LINGO2: variants seen among roughly 807,000 people sequenced by gnomAD.
LINGO2 encodes leucine rich repeat and Ig domain containing 2, also known as leucine-rich repeat and immunoglobulin-like domain-containing nogo receptor-interacting protein 2.
In LINGO2, 14 loss-of-function variants were observed where a neutral mutation model predicts 30.6. The observed-to-expected ratio is 0.46, with a 90% CI of 0.30 to 0.72. The LOEUF (loss-of-function observed/expected upper bound fraction) is 0.72, where lower values mean the gene tolerates loss of function less well. LINGO2 is among the 30% of genes least tolerant of loss of function. The pLI, the probability that LINGO2 is intolerant of heterozygous loss-of-function variation, is 0.07. For missense variants in LINGO2, 729 were observed against 751.7 expected (o/e 0.97, Z 0.35); for synonymous variants, 317 against 288.5 (o/e 1.10, Z -1.00).
At chr9:28,133,770 TG>T (rs1055342536) in intron 4 of LINGO2, among the ~76,000 whole-genome samples, 4 of 152,206 alleles carry the variant, frequency 2.6e-5, no homozygotes, top group African/African-American at 9.6e-5. Context: ...TTGTAAATGT[TG>T]GTGTCCTTTA....
At chr9:28,025,518 C>T (rs1375429731) in intron 4 of LINGO2, among the ~76,000 whole-genome samples, 1 of 152,162 alleles carries the variant, frequency 6.6e-6, no homozygotes, top group Non-Finnish European at 1.5e-5. Flanking sequence ...TTAATGAATT[C>T]AGCTGAGCAT....
chr9:27,994,124 C>T (rs1821536693), intron 5 of LINGO2, among the ~76,000 whole-genome samples: 1 of 151,844 alleles, frequency 6.6e-6, no homozygotes, highest in Admixed American at 6.6e-5. Flanking sequence ...AAACAACATA[C>T]TAAAACCTAT....
chr9:28,978,269 C>T, the LINGO2 span, among the ~76,000 whole-genome samples: 2 of 151,954 alleles, frequency 1.3e-5, no homozygotes, highest in Admixed American at 1.3e-4. Context: ...TTTTGGCAGC[C>T]CACATTAATT....
chr9:28,328,955 A>G (rs1825325040), intron 3 of LINGO2, among the ~76,000 whole-genome samples: 2 of 152,266 alleles, frequency 1.3e-5, no homozygotes, highest in South Asian at 4.1e-4. Context: ...CAAAAAAATA[A>G]TATCTAAGAA....
chr9:28,199,997 G>GAAAAAAA (rs11325617), intron 4 of LINGO2, among the ~76,000 whole-genome samples: 1 of 123,098 alleles, frequency 8.1e-6, no homozygotes. Context: ...CTTCATTTAG[G>GAAAAAAA]AAAAAAAAAA....
intron 5 of LINGO2, among the ~76,000 whole-genome samples, chr9:27,966,969 T>A (rs1455382291): frequency 6.6e-6 from 1 of 152,122 alleles, no homozygotes; most frequent in Non-Finnish European, 1.5e-5. Flanking sequence ...TTCAATTTTA[T>A]CGATTGTTCC....
At chr9:28,062,925 C>T (rs1046348528) in intron 4 of LINGO2, among the ~76,000 whole-genome samples, 4 of 151,968 alleles carry the variant, frequency 2.6e-5, no homozygotes, top group Non-Finnish European at 5.9e-5. Flanking sequence ...TAGGCAACCA[C>T]GAATTTACTA....
intron 1 of LINGO2, among the ~76,000 whole-genome samples, chr9:28,641,361 C>T (rs973574272): frequency 8.5e-5 from 13 of 152,048 alleles, no homozygotes; most frequent in East Asian, 3.9e-4. Context: ...AAGTATCCTC[C>T]GACAGTTTTT....
intron 3 of LINGO2, among the ~76,000 whole-genome samples, chr9:28,306,240 T>C (rs1292456431): frequency 6.6e-6 from 1 of 151,954 alleles, no homozygotes; most frequent in African/African-American, 2.4e-5. Context: ...GCATATTGCA[T>C]AGAACTTAAA....
intron 4 of LINGO2, among the ~76,000 whole-genome samples, chr9:28,033,482 G>C (rs1291800583): frequency 1.3e-5 from 2 of 152,152 alleles, no homozygotes; most frequent in African/African-American, 4.8e-5. Flanking sequence ...GCTTTAGTTG[G>C]TGGGAAGGGG....
chr9:28,904,260 C>T, the LINGO2 span, among the ~76,000 whole-genome samples: 136,231 of 152,072 alleles, frequency 0.9, 61,307 homozygotes, highest in Non-Finnish European at 0.94. Flanking sequence ...GCTAACATAA[C>T]ACTTAATGTT....
At chr9:28,913,560 A>T in the LINGO2 span, among the ~76,000 whole-genome samples, 2 of 152,158 alleles carry the variant, frequency 1.3e-5, no homozygotes, top group Non-Finnish European at 2.9e-5. Context: ...TCTCCAATGT[A>T]TAGATAGTAT....
chr9:29,009,028 A>G, the LINGO2 span, among the ~76,000 whole-genome samples: 1 of 152,136 alleles, frequency 6.6e-6, no homozygotes, highest in Non-Finnish European at 1.5e-5. Flanking sequence ...TTGATGGGAC[A>G]TATCTCAAAA....
At chr9:28,009,803 G>T (rs750864999) in intron 5 of LINGO2, among the ~76,000 whole-genome samples, 2 of 152,130 alleles carry the variant, frequency 1.3e-5, no homozygotes, top group African/African-American at 2.4e-5. Flanking sequence ...CAACAGTTTG[G>T]CAGTTTCTCA....
At chr9:28,046,994 A>ATGC (rs1283814256) in intron 4 of LINGO2, among the ~76,000 whole-genome samples, 1 of 152,128 alleles carries the variant, frequency 6.6e-6, no homozygotes, top group Non-Finnish European at 1.5e-5. Flanking sequence ...TGCAAGATAA[A>ATGC]TGCTGCTGCT....
chr9:28,363,840 GT>G (rs1820549780), intron 3 of LINGO2, among the ~76,000 whole-genome samples: 1 of 152,028 alleles, frequency 6.6e-6, no homozygotes, highest in Non-Finnish European at 1.5e-5. Context: ...TTTGCTTTGT[GT>G]TTTTCTTTTA....
intron 4 of LINGO2, among the ~76,000 whole-genome samples, chr9:28,222,389 G>A (rs1466971416): frequency 6.6e-6 from 1 of 151,820 alleles, no homozygotes; most frequent in Non-Finnish European, 1.5e-5. Context: ...CTTTTGAATC[G>A]AATACCTATA....
At position 28,416,741 on chromosome 9, in the gene LINGO2, G is replaced by T. The variant is rs544504509; in HGVS notation, c.-278-43873C>A. Among the ~76,000 whole-genome samples the T allele has an allele frequency of 1.2e-4, 18 of 152,254 alleles. 1 individual carries two copies. In the South Asian group the frequency reaches 3.5e-3, roughly 30 times the overall value. ...TCTCAAAAGCAATGAACAGTGGAGT[G>T]TTTTCGTCCAGAGAGCTGCAGAGTA... On this transcript the variant is annotated intron_variant, in intron 2 of 5. Transcript: ENST00000379992.
At chr9:28,863,628 A>G in the LINGO2 span, 1 of 490,004 alleles carries the variant, frequency 2.0e-6, no homozygotes, top group South Asian at 1.5e-5. Flanking sequence ...AGCACCTGTG[A>G]AGCACTATGA....
Sources: allele counts gnomAD v4.1 joint callset (sites outside exome capture counted in the v4.1 genomes callset), GRCh38; gene constraint gnomAD v4.1.1; transcripts MANE v1.5; gene names NCBI Gene and HGNC (gene_info 2026-07-23, HGNC 2026-07-21).